The following POF1B variants were observed in gnomAD, a reference collection of about 807,000 sequenced individuals.
The protein encoded by POF1B is POF1B actin binding protein.
POF1B carries 53 observed loss-of-function variants against 55.3 expected under a neutral mutation model. The ratio of observed to expected loss-of-function variants is 0.96; its 90% CI spans 0.77 to 1.20. POF1B has a LOEUF of 1.20. POF1B is among the 50% of genes most tolerant of loss of function. The pLI, the probability that POF1B is intolerant of heterozygous loss-of-function variation, is 0.00. For synonymous variants in POF1B, 188 were observed against 148.3 expected (o/e 1.27, Z -1.95); for missense variants, 478 against 420.5 (o/e 1.14, Z -1.20).
At chrX:85,315,986 G>A (rs1275735589) in intron 7 of POF1B, among the ~76,000 whole-genome samples, 2 of 111,237 alleles carry the variant, frequency 1.8e-5, no homozygotes, top group South Asian at 7.4e-4. Flanking sequence ...ATGCAGAAGT[G>A]GTTAGTACCA....
chrX:85,289,185 G>A (rs182663894), intron 15 of POF1B, among the ~76,000 whole-genome samples: 80 of 111,377 alleles, frequency 7.2e-4, no homozygotes, highest in Middle Eastern at 4.6e-3. Flanking sequence ...CCACTCAGGC[G>A]CATGCAGAAC....
At chrX:85,300,048 A>C (rs1382007423) in intron 15 of POF1B, among the ~76,000 whole-genome samples, 4 of 112,649 alleles carry the variant, frequency 3.6e-5, no homozygotes, top group Non-Finnish European at 7.5e-5. Flanking sequence ...GTTTAATATC[A>C]CAACTACCTG....
At chrX:85,367,005 C>G (rs1374970505) in intron 3 of POF1B, among the ~76,000 whole-genome samples, 1 of 111,371 alleles carries the variant, frequency 9.0e-6, no homozygotes, top group East Asian at 2.8e-4. Context: ...GACCCCGCAT[C>G]TGGGTCAGAT....
intron 6 of POF1B, among the ~76,000 whole-genome samples, chrX:85,345,103 C>G (rs978855377): frequency 4.5e-5 from 5 of 110,350 alleles, no homozygotes; most frequent in Admixed American, 2.9e-4. Context: ...TTTCTTTTGT[C>G]TTTTAGTAAG....
chrX:85,354,995 G>T (rs1055506480), intron 4 of POF1B, among the ~76,000 whole-genome samples: 7 of 111,510 alleles, frequency 6.3e-5, no homozygotes, highest in Non-Finnish European at 9.4e-5. Flanking sequence ...AGCCCACATT[G>T]CCAAGAGAAT....
intron 15 of POF1B, 96 bp from the exon 16 acceptor site, chrX:85,282,413 A>T (rs771132765): frequency 1.9e-6 from 1 of 515,393 alleles, no homozygotes; most frequent in African/African-American, 2.5e-5. Flanking sequence ...AATTAAGCCA[A>T]TTCGGCTCTG....
At chrX:85,302,176 G>A (rs1932473199) in intron 15 of POF1B, among the ~76,000 whole-genome samples, 1 of 111,167 alleles carries the variant, frequency 9.0e-6, no homozygotes, top group Admixed American at 9.6e-5. Flanking sequence ...CCATGGAATT[G>A]ATGAAAATAT....
intron 7 of POF1B, among the ~76,000 whole-genome samples, chrX:85,318,182 A>G (rs761305501): frequency 1.8e-5 from 2 of 111,719 alleles, no homozygotes; most frequent in African/African-American, 3.2e-5. Context: ...ACACAAGTTT[A>G]CCTATGTAAC....
chrX:85,372,893 C>T (rs1252089209), intron 2 of POF1B, among the ~76,000 whole-genome samples: 2 of 107,376 alleles, frequency 1.9e-5, no homozygotes, highest in African/African-American at 3.4e-5. Context: ...CAGTTATTTA[C>T]TTTAGTGAAA....
At chrX:85,317,060 CTT>C (rs1171756469) in intron 7 of POF1B, among the ~76,000 whole-genome samples, 1 of 110,060 alleles carries the variant, frequency 9.1e-6, no homozygotes, top group Non-Finnish European at 1.9e-5. Context: ...TGATCTCATT[CTT>C]TTATATGGCT....
intron 15 of POF1B, among the ~76,000 whole-genome samples, chrX:85,293,003 A>T (rs1007667041): frequency 3.6e-5 from 4 of 111,867 alleles, no homozygotes; most frequent in African/African-American, 1.3e-4. Flanking sequence ...AGTCAGATTG[A>T]CTACTATTAA....
intron 3 of POF1B, among the ~76,000 whole-genome samples, chrX:85,361,235 TTTTA>T (rs1418705120): frequency 8.9e-6 from 1 of 112,037 alleles, no homozygotes; most frequent in Non-Finnish European, 1.9e-5. Flanking sequence ...TTAAGTTAGA[TTTTA>T]TTTGTCAATT....
chrX:85,326,948 G>A (rs1406242557), intron 7 of POF1B, among the ~76,000 whole-genome samples: 1 of 110,686 alleles, frequency 9.0e-6, no homozygotes, highest in Non-Finnish European at 1.9e-5. Context: ...ACTGAGGGGT[G>A]TTCTGGCCTC....
At chrX:85,368,977 C>T (rs1239069544) in intron 2 of POF1B, among the ~76,000 whole-genome samples, 2 of 111,838 alleles carry the variant, frequency 1.8e-5, no homozygotes, top group Non-Finnish European at 3.8e-5. Flanking sequence ...CTGACAGACT[C>T]ATACAGAACT....
At chrX:85,358,627 A>G (rs1933549284) in intron 4 of POF1B, among the ~76,000 whole-genome samples, 1 of 111,407 alleles carries the variant, frequency 9.0e-6, no homozygotes, top group African/African-American at 3.3e-5. Context: ...AACAACAAAA[A>G]GATAAAAAGG....
At chrX:85,376,473 C>T (rs1268776134) in intron 2 of POF1B, among the ~76,000 whole-genome samples, 2 of 111,561 alleles carry the variant, frequency 1.8e-5, no homozygotes, top group Non-Finnish European at 3.8e-5. Context: ...TTTGACTATA[C>T]GTGTTCATGC....
chrX:85,365,941 G>C (rs1209878788), intron 3 of POF1B, among the ~76,000 whole-genome samples: 2 of 111,080 alleles, frequency 1.8e-5, no homozygotes, highest in African/African-American at 6.6e-5. Flanking sequence ...CTGGTAATGA[G>C]CAGGTGAGGG....
At chrX:85,368,508 T>C (rs1933767871) in intron 2 of POF1B, among the ~76,000 whole-genome samples, 1 of 111,357 alleles carries the variant, frequency 9.0e-6, no homozygotes, top group African/African-American at 3.3e-5. Context: ...AAGAGTAAAT[T>C]TTAAAGTACC....
At chrX:85,321,025 T>A (rs1248251890) in intron 7 of POF1B, among the ~76,000 whole-genome samples, 4 of 111,430 alleles carry the variant, frequency 3.6e-5, no homozygotes, top group African/African-American at 1.3e-4. Context: ...AAGGAGGAGC[T>A]GGTACCATTC....
Sources: allele counts gnomAD v4.1 joint callset (sites outside exome capture counted in the v4.1 genomes callset), GRCh38; gene constraint gnomAD v4.1.1; transcripts MANE v1.5; gene names NCBI Gene and HGNC (gene_info 2026-07-23, HGNC 2026-07-21).